The following ERC2 variants were observed in gnomAD, a reference collection of about 807,000 sequenced individuals.
ERC2 encodes the protein ELKS/RAB6-interacting/CAST family member 2, also known as ERC protein 2.
A neutral mutation model predicts 114.8 loss-of-function variants in ERC2; 42 were observed. The ratio of observed to expected loss-of-function variants is 0.37; its 90% CI spans 0.29 to 0.47. The LOEUF (loss-of-function observed/expected upper bound fraction) is 0.47. Among genes scored for constraint, ERC2 ranks in the 20% least tolerant of loss-of-function variants. ERC2 has a pLI of 0.99. For missense variants in ERC2, 939 were observed against 1,150.7 expected, an observed-to-expected ratio of 0.82 and a Z score of 2.66; for synonymous variants, 454 against 425.5, an observed-to-expected ratio of 1.07 and a Z score of -0.82.
intron 14 of ERC2, among the ~76,000 whole-genome samples, chr3:55,761,875 C>CAA (rs1232333274): frequency 1.5e-4 from 9 of 59,632 alleles, no homozygotes; most frequent in Admixed American, 2.0e-4. Context: ...GACTCCGTCT[C>CAA]AAAAAAAAAA....
At position 55,804,578 on chromosome 3, in the gene ERC2, G is replaced by A. The variant is rs147015598; in HGVS notation, c.2565-69660C>T. Among the ~76,000 whole-genome samples, 26 of 152,200 alleles carry A rather than the reference G, an allele frequency of 1.7e-4. No homozygotes were observed. The East Asian group carries it at 3.5e-3, about 20-fold the overall frequency. ...TGCTGTGAGAGAACTGAGGTTCAGC[G>A]AAGTGAGTTCCTTGCCTTGTGACCC... is the stretch of plus-strand genomic sequence containing the variant. On this transcript the variant is annotated intron_variant, in intron 14 of 17. Transcript: ENST00000288221.
At chr3:55,947,721 T>C (rs2067222556) in intron 13 of ERC2, among the ~76,000 whole-genome samples, 2 of 152,172 alleles carry the variant, frequency 1.3e-5, no homozygotes, top group Admixed American at 1.3e-4. Context: ...GGCCAGTTAG[T>C]CAACCTGCAA....
At chr3:56,242,914 T>C (rs2051421629) in intron 3 of ERC2, among the ~76,000 whole-genome samples, 1 of 152,200 alleles carries the variant, frequency 6.6e-6, no homozygotes, top group African/African-American at 2.4e-5. Context: ...TCTCTAAATG[T>C]AGCTGAAAAG....
At chr3:55,604,856 A>C (rs559865744) in intron 17 of ERC2, among the ~76,000 whole-genome samples, 1 of 152,326 alleles carries the variant, frequency 6.6e-6, no homozygotes, top group East Asian at 1.9e-4. Flanking sequence ...GACTGGTAGA[A>C]TGTTAAACCA....
chr3:56,409,072 G>C (rs900886145), intron 2 of ERC2, among the ~76,000 whole-genome samples: 1 of 152,166 alleles, frequency 6.6e-6, no homozygotes, highest in Non-Finnish European at 1.5e-5. Context: ...TGTGTTCCTG[G>C]AGGCCTGCGG....
chr3:55,928,567 TCA>T (rs2065886299), intron 13 of ERC2, among the ~76,000 whole-genome samples: 1 of 152,222 alleles, frequency 6.6e-6, no homozygotes, highest in Non-Finnish European at 1.5e-5. Context: ...GGCTGTCTCT[TCA>T]CTTTGTTGAT....
At chr3:55,948,809 C>T (rs954895849) in intron 13 of ERC2, among the ~76,000 whole-genome samples, 1 of 152,144 alleles carries the variant, frequency 6.6e-6, no homozygotes, top group African/African-American at 2.4e-5. Flanking sequence ...CATTGTATAT[C>T]AGATTAGAAC....
At chr3:56,226,693 C>G (rs1409449159) in intron 3 of ERC2, among the ~76,000 whole-genome samples, 1 of 152,150 alleles carries the variant, frequency 6.6e-6, no homozygotes, top group African/African-American at 2.4e-5. Flanking sequence ...AGGCTACACT[C>G]TCAACTGGTG....
chr3:55,631,312 G>A (rs550000128), intron 17 of ERC2, among the ~76,000 whole-genome samples: 6 of 152,280 alleles, frequency 3.9e-5, no homozygotes, highest in African/African-American at 1.2e-4. Flanking sequence ...AAGGAAGAAA[G>A]GCTGAAAAAG....
intron 17 of ERC2, among the ~76,000 whole-genome samples, chr3:55,642,910 T>C (rs1430176569): frequency 2.0e-5 from 3 of 152,242 alleles, no homozygotes; most frequent in Non-Finnish European, 2.9e-5. Flanking sequence ...TATACAAGTG[T>C]ATGTATGCAT....
At chr3:56,015,251 A>T (rs1560026346) in intron 8 of ERC2, among the ~76,000 whole-genome samples, 1 of 152,058 alleles carries the variant, frequency 6.6e-6, no homozygotes, top group Non-Finnish European at 1.5e-5. Flanking sequence ...CACGATGTGT[A>T]GGTTTGTTAC....
chr3:56,443,784 G>A (rs1040687264), intron 1 of ERC2, among the ~76,000 whole-genome samples: 2 of 151,734 alleles, frequency 1.3e-5, no homozygotes, highest in African/African-American at 4.8e-5. Flanking sequence ...ATGCAATCAT[G>A]TCTTCCATTG....
At chr3:55,612,924 C>G (rs1178976837) in intron 17 of ERC2, 5 of 152,184 alleles carry the variant, frequency 3.3e-5, no homozygotes, top group Admixed American at 3.3e-4. Flanking sequence ...AAGGCTGATT[C>G]ATTTTTCTCC....
chr3:56,385,209 G>A (rs533559511), intron 2 of ERC2, among the ~76,000 whole-genome samples: 38 of 152,058 alleles, frequency 2.5e-4, no homozygotes, highest in African/African-American at 8.2e-4. Context: ...CCAAGATCAA[G>A]GTGCCAGCAG....
chr3:55,538,468 A>C (rs1429869115), intron 17 of ERC2, among the ~76,000 whole-genome samples: 1 of 152,210 alleles, frequency 6.6e-6, no homozygotes, highest in African/African-American at 2.4e-5. Flanking sequence ...GTCCTGTCCC[A>C]CACTGGGGAC....
intron 2 of ERC2, among the ~76,000 whole-genome samples, chr3:56,386,399 G>C (rs2059935393): frequency 1.3e-5 from 2 of 152,040 alleles, no homozygotes; most frequent in Non-Finnish European, 1.5e-5. Flanking sequence ...TTTTCTTTTA[G>C]TTTATTTTGA....
At chr3:56,085,649 A>T (rs1222972359) in intron 6 of ERC2, among the ~76,000 whole-genome samples, 1 of 152,180 alleles carries the variant, frequency 6.6e-6, no homozygotes, top group Non-Finnish European at 1.5e-5. Flanking sequence ...CTGGCATAAA[A>T]CCACTCTTCT....
intron 14 of ERC2, among the ~76,000 whole-genome samples, chr3:55,842,724 A>C (rs2061188652): frequency 6.6e-6 from 1 of 152,090 alleles, no homozygotes; most frequent in Non-Finnish European, 1.5e-5. Flanking sequence ...AAAAAAAAGA[A>C]CAATTTTTGT....
At chr3:55,821,470 T>C (rs747384712) in intron 14 of ERC2, among the ~76,000 whole-genome samples, 1 of 152,198 alleles carries the variant, frequency 6.6e-6, no homozygotes, top group Non-Finnish European at 1.5e-5. Context: ...CAACCACCTA[T>C]ATTTTATCAT....
Sources: gnomAD v4.1 joint callset for allele counts (sites outside exome capture counted in the v4.1 genomes callset) on GRCh38, gnomAD v4.1.1 for gene constraint, MANE v1.5 for transcripts, NCBI Gene and HGNC (gene_info 2026-07-23, HGNC 2026-07-21) for gene names.